CD79B: variants seen among roughly 807,000 people sequenced by gnomAD.
CD79B encodes the protein B-cell antigen receptor complex-associated protein beta chain.
Under a neutral mutation model 30.0 loss-of-function variants are expected in CD79B, and 7 were observed. The observed-to-expected ratio is 0.23, with a 90% confidence interval of 0.13 to 0.44. The LOEUF is 0.44. Ranked by LOEUF, CD79B falls within the 20% of genes least tolerant of loss-of-function variation. CD79B has a pLI of 1.00. For missense variants in CD79B, 218 were observed against 299.1 expected, an observed-to-expected ratio of 0.73 and a Z score of 2.00; for synonymous variants, 118 against 119.2, an observed-to-expected ratio of 0.99 and a Z score of 0.07.
chr17:63,929,055 C>T lies in CD79B; in HGVS notation c.*171G>A. ...GCCCTGTTGTCCTTCTACTCCAGGC[C>T]CTTTGGCAAGAGCTGGGGACCAGGG... is the stretch of plus-strand genomic sequence containing the variant. On this transcript the variant is annotated 3_prime_UTR_variant, in exon 6 of 6. Coordinates refer to ENST00000006750, the MANE Select transcript of CD79B (RefSeq NM_000626.4). The T allele has an allele frequency of 3.1e-6, 2 of 650,444 alleles. No homozygotes were observed. The highest frequency in any genetic ancestry group is 2.8e-6 in the Non-Finnish European group (1 of 359,654). The allele number at this position is 650,444 out of a possible 1,614,324, so 40.3% of individuals were successfully genotyped here. A position where few individuals can be genotyped will look rare whatever the true frequency, so the allele number is the denominator to read the frequency against.
At chr17:63,929,571 G>T in intron 4 of CD79B, 96 bp from the exon 5 acceptor site, 1 of 1,319,888 alleles carries the variant, frequency 7.6e-7, no homozygotes, top group South Asian at 1.2e-5. Flanking sequence ...AGGGGTGAGG[G>T]GTCAGGAGTG....
Position 63,931,315 on chromosome 17 carries a change from CG to C in CD79B, c.118+19del. The C allele has an allele frequency of 6.2e-7, 1 of 1,613,212 alleles. No homozygotes were observed. The highest frequency in any genetic ancestry group is 8.5e-7 in the Non-Finnish European group (1 of 1,179,296). On this transcript the variant is annotated intron_variant, in intron 2 of 5. Transcript: ENST00000006750. ...GTCGCACACAACTTGCCCTCAGAAGCGGCAGGCGAGGCTACTGACCTTTGGG... is the reference window on the plus strand; with the variant it reads ...GTCGCACACAACTTGCCCTCAGAAGCGCAGGCGAGGCTACTGACCTTTGGG...
intron 1 of CD79B, 110 bp downstream of exon 1, chr17:63,932,085 A>G: frequency 1.0e-6 from 1 of 978,376 alleles, no homozygotes; most frequent in Non-Finnish European, 1.6e-6. Context: ...GACAGGCGGT[A>G]AAGAGTGAGA....
intron 3 of CD79B, 89 bp from the exon 4 acceptor site, chr17:63,929,977 C>T (rs1908016361): frequency 2.6e-6 from 4 of 1,550,026 alleles, no homozygotes; most frequent in South Asian, 1.1e-5. Flanking sequence ...CAGTGGCTCT[C>T]CTGAGTGCTC....
chr17:63,929,613 G>T, intron 4 of CD79B, 138 bp from the exon 5 acceptor site: 1 of 1,009,196 alleles, frequency 9.9e-7, no homozygotes, highest in Non-Finnish European at 1.5e-6. Flanking sequence ...CTGAATGAAG[G>T]AAGGAAGGAA....
chr17:63,930,126 G>A lies in CD79B; in HGVS notation c.378C>T (p.Cys126=). ...CCTGGTAGACCTCCGAGGTGTTGTT[G>A]CACTTCTGCTGACAGAAGTAGATGC... ...DNGIYFCQQK[C]NNTSEVYQGC... The change falls in exon 3 of 6, where the codon TGC becomes TGT. Residue 126 remains cysteine, a synonymous_variant. Transcript: ENST00000006750. 2 of 1,614,116 alleles carry A rather than the reference G, an allele frequency of 1.2e-6. No homozygotes were observed. The highest frequency in any genetic ancestry group is 1.7e-6 in the Non-Finnish European group (2 of 1,179,992).
Position 63,929,406 on chromosome 17 carries a change from G to A in CD79B, c.591+28C>T, listed in dbSNP as rs748323338. The A allele has an allele frequency of 9.9e-6, 16 of 1,613,782 alleles. 1 individual carries two copies. Among genetic ancestry groups the A allele is most frequent in the Middle Eastern group, 1.6e-4 (1 of 6,062 alleles). On this transcript the variant is annotated intron_variant, in intron 5 of 5. Transcript: ENST00000006750. ...AGTGGCCACTGACCCCGAGGACTCA[G>A]AGCTGCTGGGCCTGCCCCTCTCCTT...
chr17:63,929,683 G>C, intron 4 of CD79B, 87 bp downstream of exon 4: 1 of 1,058,924 alleles, frequency 9.4e-7, no homozygotes, highest in Admixed American at 1.7e-5. Context: ...CACAACGAGA[G>C]CTGGGGAGAT....
rs746215289 is a variant in CD79B, at chr17:63,931,356, C to G, written c.97G>C (p.Asp33His). 6.2e-7 allele frequency: 1 copy of G among 1,614,058 alleles called. No homozygotes were observed. The highest frequency in any genetic ancestry group is 8.5e-7 in the Non-Finnish European group (1 of 1,180,022). ...AEPVPAARSE[D>H]RYRNPKGSAC... The stretch of plus-strand genomic sequence containing the variant: ...TGACCTTTGGGATTCCGGTACCGGT[C>G]CTCCGATCTGGCTGCTGGTACTGGC... The change falls in exon 2 of 6, where the codon GAC (aspartate) becomes CAC (histidine). Residue 33 changes from aspartate (D) to histidine (H), a missense_variant. Coordinates refer to ENST00000006750, the MANE Select transcript of CD79B (RefSeq NM_000626.4).
intron 4 of CD79B, 141 bp from the exon 5 acceptor site, chr17:63,929,616 G>T: frequency 2.0e-6 from 2 of 1,006,750 alleles, no homozygotes; most frequent in Non-Finnish European, 3.1e-6. Flanking sequence ...AATGAAGGAA[G>T]GAAGGAAGGA....
At chr17:63,932,080 G>A in intron 1 of CD79B, 115 bp downstream of exon 1, 1 of 939,862 alleles carries the variant, frequency 1.1e-6, no homozygotes, top group Non-Finnish European at 1.7e-6. Context: ...AGGGAGACAG[G>A]CGGTAAAGAG....
In CD79B at chr17:63,930,282, C is replaced by G. The variant is rs766743000; in HGVS notation, c.222G>C (p.Val74=). Residue 74 remains valine (V), a synonymous_variant, in exon 3 of 6, where the codon GTG becomes GTC. Transcript: ENST00000006750. ...HCYMNSASGN[V]SWLWKQEMDE... ...CCATCTCCTGCTTCCAGAGCCAGCT[C>G]ACATTGCCGGAGGCGCTGTTCATGT... The G allele has an allele frequency of 6.2e-7, 1 of 1,614,254 alleles. No individual in the cohort carries two copies. Among genetic ancestry groups the G allele is most frequent in the South Asian group, 1.1e-5 (1 of 91,088 alleles).
Position 63,929,219 on chromosome 17 carries a change from C to G in CD79B, c.*7G>C, listed in dbSNP as rs751418666. 5.6e-6 allele frequency: 9 copies of G among 1,598,670 alleles called. No homozygotes were observed. In the East Asian group the frequency reaches 2.0e-4, roughly 36 times the overall value. Reference sequence around the variant, plus strand: ...GCCTGCACCCAGGTCATGGGGCGACCTGGCTCTCACTCCTGGCCTGGGTGC... The same window carrying G: ...GCCTGCACCCAGGTCATGGGGCGACGTGGCTCTCACTCCTGGCCTGGGTGC... On this transcript the variant is annotated 3_prime_UTR_variant, in exon 6 of 6. Transcript: ENST00000006750.
chr17:63,932,279 C>G lies in CD79B; in HGVS notation c.-18G>C, dbSNP rs368919658. On this transcript the variant is annotated 5_prime_UTR_variant, in exon 1 of 6. Coordinates refer to ENST00000006750, the MANE Select transcript of CD79B (RefSeq NM_000626.4). ...CTGGCCATGGTCACCGCTCTGTCCC[C>G]GACCCCAAACCCGTGACAACGTCCG... 1 of 1,610,284 alleles carries G rather than the reference C, an allele frequency of 6.2e-7. No individual in the cohort carries two copies. The highest frequency in any genetic ancestry group is 2.2e-5 in the East Asian group (1 of 44,878).
Position 63,929,433 on chromosome 17 carries a change from C to G in CD79B, c.591+1G>C. On this transcript the variant is annotated splice_donor_variant, in intron 5 of 5. Transcript: ENST00000006750. LOFTEE classifies it high-confidence loss of function. ...GCTGCTGGGCCTGCCCCTCTCCTTA[C>G]CTCGTAGGTGTGATCTTCCTCCATG... 1 of 1,614,004 alleles carries G rather than the reference C, an allele frequency of 6.2e-7. No homozygotes were observed. Among genetic ancestry groups the G allele is most frequent in the Non-Finnish European group, 8.5e-7 (1 of 1,180,006 alleles).
rs1908154851 is a variant in CD79B at position 63,931,907 on chromosome 17, C to T, written c.67+288G>A. ...GCACCGCCCTCAGCCTCTCTTCCTC[C>T]TGAGCCTAGTTCTTCCACGGTCCTG... is the stretch of plus-strand genomic sequence containing the variant. On this transcript the variant is annotated intron_variant, in intron 1 of 5. Transcript: ENST00000006750. 5.8e-6 allele frequency: 3 copies of T among 517,670 alleles called. No homozygotes were observed. The Admixed American group carries it at 9.4e-5, about 16-fold the overall frequency. 32.1% of individuals were successfully genotyped at this position (517,670 alleles called of 1,614,324 possible). A position where few individuals can be genotyped will look rare whatever the true frequency, so the allele number is the denominator to read the frequency against.
Position 63,928,844 on chromosome 17 carries a change from C to G in CD79B, c.*382G>C. 1 of 395,616 alleles carries G rather than the reference C, an allele frequency of 2.5e-6. No homozygotes were observed. Among genetic ancestry groups the G allele is most frequent in the Non-Finnish European group, 4.7e-6 (1 of 211,790 alleles). 24.5% of individuals were successfully genotyped at this position (395,616 alleles called of 1,614,324 possible). A position where few individuals can be genotyped will look rare whatever the true frequency, so the allele number is the denominator to read the frequency against. On this transcript the variant is annotated 3_prime_UTR_variant, in exon 6 of 6. Transcript: ENST00000006750. ...GGAGAGGAATGATGTTCCTGTGGCT[C>G]TTCTGGGGCCCAGTTGGGTCCATGG... is the stretch of plus-strand genomic sequence containing the variant.
chr17:63,930,847 A>T, intron 2 of CD79B: 1 of 276,798 alleles, frequency 3.6e-6, no homozygotes, highest in Non-Finnish European at 7.0e-6. Context: ...TCCTCAGTCG[A>T]CCCCCTCCCT....
At chr17:63,931,053 G>A (rs1254896574) in intron 2 of CD79B, 21 of 488,176 alleles carry the variant, frequency 4.3e-5, no homozygotes, top group East Asian at 2.6e-4. Flanking sequence ...AGACAGGCCC[G>A]GGCCTGAGTC....
Sources: allele counts gnomAD v4.1 joint callset, GRCh38; gene constraint gnomAD v4.1.1; transcripts MANE v1.5; gene names NCBI Gene and HGNC (gene_info 2026-07-23, HGNC 2026-07-21).